BHLHE41: variants seen among roughly 807,000 people sequenced by gnomAD.
BHLHE41 encodes the protein class E basic helix-loop-helix protein 41.
In BHLHE41, 14 loss-of-function variants were observed where a neutral mutation model predicts 24.0. That is an observed-to-expected ratio of 0.58 (90% CI 0.39 to 0.91). The LOEUF is 0.91. Ranked by LOEUF, BHLHE41 falls within the 40% of genes least tolerant of loss-of-function variation. The pLI is 0.00. For synonymous variants in BHLHE41, 394 were observed against 315.5 expected (o/e 1.25, Z -2.64); for missense variants, 674 against 655.4 (o/e 1.03, Z -0.31).
In BHLHE41 at chr12:26,121,288, G is replaced by T. The variant is rs753529203; in HGVS notation, c.*778C>A. 6.6e-6 allele frequency: 1 copy of T among 152,594 alleles called. No homozygotes were observed. Among genetic ancestry groups the T allele is most frequent in the South Asian group, 2.1e-4 (1 of 4,834 alleles). The allele number at this position is 152,594 out of a possible 1,614,324, so 9.5% of individuals were successfully genotyped here. ...AATTCATGGTCAATTTCTCAATAAA[G>T]TGTTAGCAAATGTACTAGGAATGAT... On this transcript the variant is annotated 3_prime_UTR_variant, in exon 5 of 5. Transcript: ENST00000242728.
In BHLHE41 at chr12:26,124,712, C is replaced by T. The variant is rs1944347705; in HGVS notation, c.62+6G>A. The T allele has an allele frequency of 1.9e-6, 3 of 1,613,908 alleles. No individual in the cohort carries two copies. The highest frequency in any genetic ancestry group is 1.7e-5 in the Admixed American group (1 of 60,006). Reference sequence around the variant, plus strand: ...ACAGATATTCGCAAGGGTGCGTGCACCTTACCCTATAAAATCTCTATGTTC... The same window carrying T: ...ACAGATATTCGCAAGGGTGCGTGCATCTTACCCTATAAAATCTCTATGTTC... On this transcript the variant is annotated splice_donor_region_variant and intron_variant, in intron 1 of 4. Transcript: ENST00000242728.
Position 26,123,666 on chromosome 12 carries a change from C to T in BHLHE41, c.310G>A (p.Glu104Lys). The T allele has an allele frequency of 6.2e-7, 1 of 1,613,992 alleles. No homozygotes were observed. Among genetic ancestry groups the T allele is most frequent in the Non-Finnish European group, 8.5e-7 (1 of 1,179,850 alleles). ...KHLKALTALT[E>K]QQHQKIIALQ... ...GCAATTATCTTCTGATGCTGTTGCT[C>T]GGTTAAGGCGGTTAAAGCTTTTAAG... is the stretch of plus-strand genomic sequence containing the variant. Residue 104 changes from glutamate to lysine, a missense_variant, in exon 4 of 5, where the codon GAG (glutamate) becomes AAG (lysine). Coordinates refer to ENST00000242728, the MANE Select transcript of BHLHE41 (RefSeq NM_030762.3).
Position 26,124,795 on chromosome 12 carries a change from G to C in BHLHE41, c.-16C>G, listed in dbSNP as rs1180886406. Reference sequence around the variant, plus strand: ...CTTCGTCCATGTTCAACTGCTGTTCGTTTCCTCTGTTTCGATTTTTGGGGC... The same window carrying C: ...CTTCGTCCATGTTCAACTGCTGTTCCTTTCCTCTGTTTCGATTTTTGGGGC... On this transcript the variant is annotated 5_prime_UTR_variant, in exon 1 of 5. Coordinates refer to ENST00000242728, the MANE Select transcript of BHLHE41 (RefSeq NM_030762.3). The C allele has an allele frequency of 1.2e-6, 2 of 1,613,916 alleles. No homozygotes were observed. The highest frequency in any genetic ancestry group is 3.3e-5 in the Admixed American group (2 of 60,028).
In BHLHE41 at chr12:26,122,716, G is replaced by A. The variant is rs779912772; in HGVS notation, c.799C>T (p.Gln267Ter). Residue 267 changes from glutamine (Q) to a stop codon, truncating the protein, a stop_gained, in exon 5 of 5, where the codon CAG becomes TAG. Coordinates refer to ENST00000242728, the MANE Select transcript of BHLHE41 (RefSeq NM_030762.3). LOFTEE classifies it low-confidence loss of function (END_TRUNC). ...GGCGAGTCCTCCCCGGGAGGCTCCT[G>A]CTTGATGGTGACGCGGCTCGCCCCC... ...GAGASRVTIK[Q>*]EPPGEDSPAP... 6.3e-7 allele frequency: 1 copy of A among 1,590,168 alleles called. No individual in the cohort carries two copies. Among genetic ancestry groups the A allele is most frequent in the South Asian group, 1.1e-5 (1 of 89,104 alleles).
Position 26,122,942 on chromosome 12 carries a change from G to A in BHLHE41, c.573C>T (p.Gly191=), listed in dbSNP as rs574280556. The A allele has an allele frequency of 4.5e-6, 7 of 1,553,934 alleles. No homozygotes were observed. Among genetic ancestry groups the A allele is most frequent in the Middle Eastern group, 3.4e-4 (2 of 5,920 alleles). The stretch of plus-strand genomic sequence containing the variant: ...CCGCGGACCCGGCGGCCGAGGGAGC[G>A]CCGGTGCCTTTGCTCAGAGGGACCT... ...TQQVPLSKGT[G]APSAAGSAAA... is the part of the protein sequence containing the mutation. The change falls in exon 5 of 5, where the codon GGC becomes GGT. Residue 191 remains glycine (G), a synonymous_variant. Coordinates refer to ENST00000242728, the MANE Select transcript of BHLHE41 (RefSeq NM_030762.3).
Position 26,121,689 on chromosome 12 carries a change from A to C in BHLHE41, c.*377T>G, listed in dbSNP as rs1327169757. On this transcript the variant is annotated 3_prime_UTR_variant, in exon 5 of 5. Transcript: ENST00000242728. Reference sequence around the variant, plus strand: ...GGTTCACCTAGCTCAGCCACAGAACAGACCCTTCTTACTTCCTCTCGAATT... The same window carrying C: ...GGTTCACCTAGCTCAGCCACAGAACCGACCCTTCTTACTTCCTCTCGAATT... The C allele has an allele frequency of 7.0e-6, 2 of 285,862 alleles. No individual in the cohort carries two copies. The highest frequency in any genetic ancestry group is 4.5e-5 in the African/African-American group (2 of 44,918). The allele number at this position is 285,862 out of a possible 1,614,324, so 17.7% of individuals were successfully genotyped here.
In BHLHE41 at chr12:26,124,775, T is replaced by C. The variant is rs1353950614; in HGVS notation, c.5A>G (p.Asp2Gly). 1 of 1,614,212 alleles carries C rather than the reference T, an allele frequency of 6.2e-7. No individual in the cohort carries two copies. Among genetic ancestry groups the C allele is most frequent in the Admixed American group, 1.7e-5 (1 of 60,032 alleles). The change falls in exon 1 of 5, where the codon GAC becomes GGC. Residue 2 changes from aspartate (D) to glycine (G), a missense_variant. By Grantham distance (94) the Asp-to-Gly change is moderately conservative. Transcript: ENST00000242728. M[D>G]EGIPHLQERQ... ...CTCTTGCAAATGAGGAATTCCTTCGTCCATGTTCAACTGCTGTTCGTTTCC... is the reference window on the plus strand; with the variant it reads ...CTCTTGCAAATGAGGAATTCCTTCGCCCATGTTCAACTGCTGTTCGTTTCC...
chr12:26,124,756 C>T lies in BHLHE41; in HGVS notation c.24G>A (p.Leu8=). The T allele has an allele frequency of 6.2e-7, 1 of 1,614,224 alleles. No homozygotes were observed. Among genetic ancestry groups the T allele is most frequent in the Non-Finnish European group, 8.5e-7 (1 of 1,180,036 alleles). Residue 8 remains leucine (L), a synonymous_variant, in exon 1 of 5, where the codon TTG becomes TTA. Transcript: ENST00000242728. ...TATGTTCCAGTAACTGTCTCTCTTG[C>T]AAATGAGGAATTCCTTCGTCCATGT... MDEGIPH[L]QERQLLEHRD...
Position 26,122,933 on chromosome 12 carries a change from C to T in BHLHE41, c.582G>A (p.Ser194=). 1 of 1,551,892 alleles carries T rather than the reference C, an allele frequency of 6.4e-7. No individual in the cohort carries two copies. The highest frequency in any genetic ancestry group is 1.7e-4 in the Middle Eastern group (1 of 5,792). The change falls in exon 5 of 5, where the codon TCG becomes TCA. Residue 194 remains serine (S), a synonymous_variant. Coordinates refer to ENST00000242728, the MANE Select transcript of BHLHE41 (RefSeq NM_030762.3). ...AGGGGGCGGCCGCGGACCCGGCGGC[C>T]GAGGGAGCGCCGGTGCCTTTGCTCA... ...VPLSKGTGAP[S]AAGSAAAPCL... is the part of the protein sequence containing the mutation.
chr12:26,122,434 C>T lies in BHLHE41; in HGVS notation c.1081G>A (p.Ala361Thr). Residue 361 changes from alanine (A) to threonine (T), a missense_variant, in exon 5 of 5, where the codon GCC (alanine) becomes ACC (threonine). Transcript: ENST00000242728. ...TTGTCCAGGAAGGGCTGCACGTAGG[C>T]GGCAGCTGCAGAAGGCGAGAGGAAG... ...FCFLSPSAAA[A>T]YVQPFLDKSG... 5 of 1,352,326 alleles carry T rather than the reference C, an allele frequency of 3.7e-6. No homozygotes were observed. The highest frequency in any genetic ancestry group is 3.3e-5 in the East Asian group (1 of 30,516). The allele number at this position is 1,352,326 out of a possible 1,614,324, so 83.8% of individuals were successfully genotyped here. A position where few individuals can be genotyped will look rare whatever the true frequency, so the allele number is the denominator to read the frequency against.
chr12:26,122,786 G>C lies in BHLHE41; in HGVS notation c.729C>G (p.Gly243=). The part of the protein sequence containing the change: ...ENDTDTDSGY[G]GEAEARPDRE... ...GGTCCGGCCGGGCCTCGGCTTCGCC[G>C]CCGTAGCCGCTGTCGGTGTCCGTGT... The change falls in exon 5 of 5, where the codon GGC becomes GGG. Residue 243 remains glycine, a synonymous_variant. Transcript: ENST00000242728. 6.3e-7 allele frequency: 1 copy of C among 1,588,424 alleles called. No individual in the cohort carries two copies. Among genetic ancestry groups the C allele is most frequent in the Non-Finnish European group, 8.5e-7 (1 of 1,173,512 alleles).
Position 26,123,623 on chromosome 12 carries a change from GA to G in BHLHE41, c.346+6del. 6.2e-7 allele frequency: 1 copy of G among 1,604,626 alleles called. No homozygotes were observed. The highest frequency in any genetic ancestry group is 8.5e-7 in the Non-Finnish European group (1 of 1,171,324). On this transcript the variant is annotated splice_donor_region_variant and intron_variant, in intron 4 of 4. Coordinates refer to ENST00000242728, the MANE Select transcript of BHLHE41 (RefSeq NM_030762.3). Reference sequence around the variant, plus strand: ...CAGGGTAGGCTGGCCTCCCTGAACTGACTTACCATTCTGTAAAGCAATTATC... The same window carrying G: ...CAGGGTAGGCTGGCCTCCCTGAACTGCTTACCATTCTGTAAAGCAATTATC...
rs1220447018 is a variant in BHLHE41 at position 26,122,204 on chromosome 12, C to T, written c.1311G>A (p.Glu437=). Residue 437 remains glutamate (E), a synonymous_variant, in exon 5 of 5, where the codon GAG becomes GAA. Coordinates refer to ENST00000242728, the MANE Select transcript of BHLHE41 (RefSeq NM_030762.3). ...GAAAATLLPH[E]VAPLGAPHPQ... is the part of the protein sequence containing the mutation. ...GGTGCGGCGCCCCAAGGGGCGCCAC[C>T]TCGTGCGGCAGGAGGGTCGCGGCGG... 1 of 1,385,546 alleles carries T rather than the reference C, an allele frequency of 7.2e-7. No individual in the cohort carries two copies. Among genetic ancestry groups the T allele is most frequent in the Non-Finnish European group, 9.3e-7 (1 of 1,072,220 alleles). The allele number at this position is 1,385,546 out of a possible 1,614,324, so 85.8% of individuals were successfully genotyped here.
rs779327961 is a variant in BHLHE41 at position 26,122,660 on chromosome 12, G to T, written c.855C>A (p.Arg285=). ...PAPKRMKLDS[R]GGGSGGGPGG... ...CCGGGCCGCCGCCGCTGCCGCCGCC[G>T]CGGGAATCCAGCTTCATCCTCTTGG... The change falls in exon 5 of 5, where the codon CGC becomes CGA. Residue 285 remains arginine (R), a synonymous_variant. Transcript: ENST00000242728. The T allele has an allele frequency of 2.9e-6, 4 of 1,396,558 alleles. 1 individual carries two copies. In the South Asian group the frequency reaches 6.1e-5, roughly 21 times the overall value. The allele number at this position is 1,396,558 out of a possible 1,614,324, so 86.5% of individuals were successfully genotyped here.
Position 26,122,565 on chromosome 12 carries a change from C to A in BHLHE41, c.950G>T (p.Arg317Ile). The A allele has an allele frequency of 8.0e-6, 9 of 1,129,132 alleles. No individual in the cohort carries two copies. The highest frequency in any genetic ancestry group is 4.8e-5 in the Admixed American group (1 of 20,772). 69.9% of individuals were successfully genotyped at this position (1,129,132 alleles called of 1,614,324 possible). ...PDPAAAAALLRPDAALLSSLV... is the reference protein window; with the variant it reads ...PDPAAAAALLIPDAALLSSLV... ...CGAGCTGAGCAGGGCGGCGTCGGGTCTCAGCAGCGCGGCCGCGGCGGCAGG... is the reference window on the plus strand; with the variant it reads ...CGAGCTGAGCAGGGCGGCGTCGGGTATCAGCAGCGCGGCCGCGGCGGCAGG... Residue 317 changes from arginine to isoleucine, a missense_variant, in exon 5 of 5, where the codon AGA (arginine) becomes ATA (isoleucine). Physicochemically the swap from Arg to Ile is moderately conservative, Grantham distance 97. Around this residue, in one of 3 missense-constraint regions of BHLHE41, gnomAD observed 602 missense variants for 570.8 expected, o/e 1.05. Coordinates refer to ENST00000242728, the MANE Select transcript of BHLHE41 (RefSeq NM_030762.3).
Position 26,122,430 on chromosome 12 carries a change from T to G in BHLHE41, c.1085A>C (p.Tyr362Ser). The G allele has an allele frequency of 7.4e-7, 1 of 1,345,210 alleles. No homozygotes were observed. Among genetic ancestry groups the G allele is most frequent in the South Asian group, 1.7e-5 (1 of 59,940 alleles). 83.3% of individuals were successfully genotyped at this position (1,345,210 alleles called of 1,614,324 possible). ...CFLSPSAAAA[Y>S]VQPFLDKSGL... ...GCTCTTGTCCAGGAAGGGCTGCACGTAGGCGGCAGCTGCAGAAGGCGAGAG... is the reference window on the plus strand; with the variant it reads ...GCTCTTGTCCAGGAAGGGCTGCACGGAGGCGGCAGCTGCAGAAGGCGAGAG... The change falls in exon 5 of 5, where the codon TAC becomes TCC. Residue 362 changes from tyrosine to serine, a missense_variant. Physicochemically the swap from Tyr to Ser is moderately radical, Grantham distance 144 (BLOSUM62 -2). Around this residue, in one of 3 missense-constraint regions of BHLHE41, gnomAD observed 602 missense variants for 570.8 expected, o/e 1.05. Transcript: ENST00000242728.
Position 26,120,590 on chromosome 12 carries a change from CATT to C in BHLHE41, c.*1473_*1475del, listed in dbSNP as rs1944295996. ...CCTACAAAAATAGCATGTCAGACAT[CATT>C]AATTGGATGTATTAACAACTATGTA... On this transcript the variant is annotated 3_prime_UTR_variant, in exon 5 of 5. Coordinates refer to ENST00000242728, the MANE Select transcript of BHLHE41 (RefSeq NM_030762.3). 1 of 152,634 alleles carries C rather than the reference CATT, an allele frequency of 6.6e-6. No individual in the cohort carries two copies. Among genetic ancestry groups the C allele is most frequent in the South Asian group, 2.1e-4 (1 of 4,830 alleles). The allele number at this position is 152,634 out of a possible 1,614,324, so 9.5% of individuals were successfully genotyped here. A position where few individuals can be genotyped will look rare whatever the true frequency, so the allele number is the denominator to read the frequency against.
chr12:26,124,568 G>A lies in BHLHE41; in HGVS notation c.77C>T (p.Ser26Phe). The A allele has an allele frequency of 6.2e-7, 1 of 1,614,114 alleles. No homozygotes were observed. The highest frequency in any genetic ancestry group is 8.5e-7 in the Non-Finnish European group (1 of 1,180,026). ...HRDFIGLDYS[S>F]LYMCKPKRSM... ...CCTTTTGGGTTTACACATATACAAA[G>A]AGGAATAGTCCAGTCTGCAAAACAG... Residue 26 changes from serine to phenylalanine, a missense_variant, in exon 2 of 5, where the codon TCT becomes TTT. Transcript: ENST00000242728.
At chr12:26,123,593 TTCA>T in intron 4 of BHLHE41, 34 bp downstream of exon 4, 1 of 1,467,244 alleles carries the variant, frequency 6.8e-7, no homozygotes, top group South Asian at 1.1e-5. Flanking sequence ...GCTGCCCCGC[TTCA>T]TCAGGGTAGG....
Sources: allele counts gnomAD v4.1 joint callset, GRCh38; gene constraint gnomAD v4.1.1; regional missense constraint gnomAD v4.1.1; transcripts MANE v1.5; gene names NCBI Gene and HGNC (gene_info 2026-07-23, HGNC 2026-07-21).